The following ARMC2 variants were observed in gnomAD, a reference collection of about 807,000 sequenced individuals.
ARMC2 encodes the protein armadillo repeat containing 2, also known as armadillo repeat-containing protein 2.
A neutral mutation model predicts 90.3 loss-of-function variants in ARMC2; 67 were observed. The ratio of observed to expected loss-of-function variants is 0.74; its 90% CI spans 0.61 to 0.91. The LOEUF is 0.91. ARMC2 is among the 40% of genes least tolerant of loss of function. The pLI, the probability that ARMC2 is intolerant of heterozygous loss-of-function variation, is 0.00. For missense variants in ARMC2, 920 were observed against 1,030.9 expected, an observed-to-expected ratio of 0.89 and a Z score of 1.47; for synonymous variants, 393 against 393.0, an observed-to-expected ratio of 1.00 and a Z score of 0.00.
chr6:108,971,885 C>T (rs1172284542), intron 17 of ARMC2, among the ~76,000 whole-genome samples: 1 of 149,306 alleles, frequency 6.7e-6, no homozygotes, highest in African/African-American at 2.5e-5. Flanking sequence ...TGCGCCACTG[C>T]ACTCCAGCCT....
chr6:108,938,262 C>T (rs6930984), intron 12 of ARMC2, among the ~76,000 whole-genome samples: 64,780 of 151,816 alleles, frequency 0.43, 14,106 homozygotes, highest in East Asian at 0.6. Context: ...TTAAGACCAC[C>T]CCAAAACATA....
the ARMC2 span, among the ~76,000 whole-genome samples, chr6:109,016,890 C>T: frequency 2.0e-5 from 3 of 151,948 alleles, no homozygotes; most frequent in Non-Finnish European, 4.4e-5. Context: ...GCAAATAACT[C>T]AGAAATACTA....
At chr6:108,882,950 T>C (rs1458475979) in intron 5 of ARMC2, among the ~76,000 whole-genome samples, 1 of 152,232 alleles carries the variant, frequency 6.6e-6, no homozygotes, top group Admixed American at 6.5e-5. Flanking sequence ...AATGGACACA[T>C]GGTATTCCAA....
the ARMC2 span, among the ~76,000 whole-genome samples, chr6:109,042,656 T>C: frequency 1.1e-4 from 16 of 152,090 alleles, no homozygotes; most frequent in Admixed American, 7.8e-4. Flanking sequence ...ATAACTCACC[T>C]ACTATGAAAT....
chr6:108,961,794 T>C, intron 14 of ARMC2, 100 bp downstream of exon 14: 1 of 1,363,784 alleles, frequency 7.3e-7, no homozygotes, highest in Non-Finnish European at 9.9e-7. Context: ...TTCTGCCTTC[T>C]GGTACAGAAA....
chr6:108,903,231 C>T (rs1331397585), intron 7 of ARMC2, among the ~76,000 whole-genome samples: 1 of 149,938 alleles, frequency 6.7e-6, no homozygotes, highest in Non-Finnish European at 1.5e-5. Flanking sequence ...CAAGATCTCC[C>T]TGTTTCCTAA....
intron 6 of ARMC2, among the ~76,000 whole-genome samples, chr6:108,896,967 A>G (rs1771670540): frequency 1.3e-5 from 2 of 152,188 alleles, no homozygotes; most frequent in Admixed American, 6.5e-5. Context: ...TATTTTTTAT[A>G]TACTTTGGAC....
At chr6:109,027,476 C>CAAAAAAAAA in the ARMC2 span, among the ~76,000 whole-genome samples, 1 of 27,322 alleles carries the variant, frequency 3.7e-5, no homozygotes, top group Non-Finnish European at 7.7e-5. Context: ...GACTCTGTCT[C>CAAAAAAAAA]AAAAAAAAAA....
intron 10 of ARMC2, among the ~76,000 whole-genome samples, chr6:108,924,451 G>C: frequency 6.6e-6 from 1 of 152,256 alleles, no homozygotes; most frequent in East Asian, 1.9e-4. Context: ...CCAGGAGGCG[G>C]AGGTTGCAGT....
At chr6:109,010,087 A>T in the ARMC2 span, among the ~76,000 whole-genome samples, 1 of 152,218 alleles carries the variant, frequency 6.6e-6, no homozygotes, top group Non-Finnish European at 1.5e-5. Context: ...AAAGCTATAA[A>T]TATCACTCCC....
At chr6:109,051,505 AC>A in the ARMC2 span, among the ~76,000 whole-genome samples, 1 of 152,184 alleles carries the variant, frequency 6.6e-6, no homozygotes, top group Non-Finnish European at 1.5e-5. Flanking sequence ...TCCTCTTATT[AC>A]CTTTTTGCTT....
chr6:108,977,926 T>G (rs897610560), downstream of ARMC2, among the ~76,000 whole-genome samples: 3 of 152,310 alleles, frequency 2.0e-5, no homozygotes, highest in East Asian at 5.8e-4. Context: ...TCTATTTATT[T>G]TGTTGATCTT....
intron 12 of ARMC2, among the ~76,000 whole-genome samples, chr6:108,950,109 G>C (rs1201519350): frequency 2.0e-5 from 3 of 152,150 alleles, no homozygotes; most frequent in Non-Finnish European, 4.4e-5. Flanking sequence ...GGGAGGCTGA[G>C]ACAGAAGAAT....
At chr6:109,038,110 G>A in the ARMC2 span, among the ~76,000 whole-genome samples, 2 of 152,192 alleles carry the variant, frequency 1.3e-5, 1 homozygote, top group South Asian at 4.1e-4. Context: ...GGCCAAAGTA[G>A]ACATTTTGTC....
chr6:108,991,560 A>G, the ARMC2 span, among the ~76,000 whole-genome samples: 2 of 152,152 alleles, frequency 1.3e-5, no homozygotes, highest in Admixed American at 6.5e-5. Flanking sequence ...TGAATTTTTA[A>G]TTAAACACAT....
chr6:108,860,624 T>G (rs1775135615), intron 3 of ARMC2, among the ~76,000 whole-genome samples: 1 of 142,250 alleles, frequency 7.0e-6, no homozygotes. Flanking sequence ...TTCGCGCCAC[T>G]GCACTCCAGC....
chr6:108,908,334 G>T (rs1012555829), intron 8 of ARMC2, among the ~76,000 whole-genome samples: 1 of 152,194 alleles, frequency 6.6e-6, no homozygotes, highest in African/African-American at 2.4e-5. Context: ...CCCTCCCCAG[G>T]CCCCTCCAGC....
At chr6:108,862,372 CAAAA>C (rs1775359192) in intron 3 of ARMC2, among the ~76,000 whole-genome samples, 3 of 112,144 alleles carry the variant, frequency 2.7e-5, no homozygotes, top group African/African-American at 9.7e-5. Context: ...AAAAAACAAA[CAAAA>C]CCAAAAAGCA....
chr6:108,986,932 T>C, the ARMC2 span: 2 of 152,614 alleles, frequency 1.3e-5, no homozygotes, highest in Non-Finnish European at 2.9e-5. Context: ...ATGAAAGAAA[T>C]TAACTGTTAC....
Sources: gnomAD v4.1 joint callset for allele counts (sites outside exome capture counted in the v4.1 genomes callset) on GRCh38, gnomAD v4.1.1 for gene constraint, MANE v1.5 for transcripts, NCBI Gene and HGNC (gene_info 2026-07-23, HGNC 2026-07-21) for gene names.